Variants in RPS6KC1 observed in about 807,000 individuals in gnomAD.
The protein encoded by RPS6KC1 is inactive ribosomal protein S6 kinase delta-1.
A neutral mutation model predicts 103.8 loss-of-function variants in RPS6KC1; 54 were observed. The observed-to-expected ratio is 0.52, with a 90% CI of 0.42 to 0.65. The LOEUF is 0.65. Ranked by LOEUF, RPS6KC1 falls within the 30% of genes least tolerant of loss-of-function variation. The pLI, the probability that RPS6KC1 is intolerant of heterozygous loss-of-function variation, is 0.00. For synonymous variants in RPS6KC1, 439 were observed against 438.7 expected (o/e 1.00, Z -0.01); for missense variants, 1,151 against 1,253.8 (o/e 0.92, Z 1.24).
chr1:213,809,786 GTAAA>G, the RPS6KC1 span, among the ~76,000 whole-genome samples: 12 of 152,286 alleles, frequency 7.9e-5, no homozygotes, highest in East Asian at 2.3e-3. Context: ...CAGTAATGCT[GTAAA>G]TAGACAGCAT....
At chr1:213,347,381 G>A in the RPS6KC1 span, among the ~76,000 whole-genome samples, 5 of 152,122 alleles carry the variant, frequency 3.3e-5, no homozygotes, top group African/African-American at 1.2e-4. Flanking sequence ...TCAGAATTAG[G>A]AAAACATATA....
the RPS6KC1 span, among the ~76,000 whole-genome samples, chr1:213,432,572 A>G: frequency 6.6e-6 from 1 of 152,194 alleles, no homozygotes; most frequent in Admixed American, 6.5e-5. Context: ...TAGTAAACAT[A>G]ACCATCATCC....
At chr1:213,584,654 C>T in the RPS6KC1 span, among the ~76,000 whole-genome samples, 1 of 152,210 alleles carries the variant, frequency 6.6e-6, no homozygotes, top group East Asian at 1.9e-4. Context: ...AGAGAGGCTA[C>T]GTTTTGAGAA....
the RPS6KC1 span, among the ~76,000 whole-genome samples, chr1:213,747,203 G>A: frequency 1.3e-5 from 2 of 152,112 alleles, no homozygotes; most frequent in African/African-American, 2.4e-5. Context: ...TGAAGTAGGA[G>A]TTTGTAGAGT....
chr1:213,126,817 C>T (rs912677537), intron 5 of RPS6KC1, among the ~76,000 whole-genome samples: 10 of 152,122 alleles, frequency 6.6e-5, no homozygotes, highest in African/African-American at 2.4e-4. Context: ...GCTGCTTTTG[C>T]ACTACAATGG....
chr1:213,396,819 G>T, the RPS6KC1 span, among the ~76,000 whole-genome samples: 24 of 152,188 alleles, frequency 1.6e-4, no homozygotes, highest in Non-Finnish European at 2.9e-4. Context: ...ATCCCTCAGG[G>T]TCTCAGCTGA....
chr1:213,311,284 G>A, the RPS6KC1 span, among the ~76,000 whole-genome samples: 383 of 151,978 alleles, frequency 2.5e-3, 2 homozygotes, highest in Middle Eastern at 0.02. Context: ...GACTACAGGT[G>A]CCCGCCACCA....
intron 4 of RPS6KC1, among the ~76,000 whole-genome samples, chr1:213,108,270 C>T (rs138741663): frequency 1.8e-4 from 27 of 152,178 alleles, no homozygotes; most frequent in African/African-American, 5.5e-4. Flanking sequence ...ATTTTATATA[C>T]GGTGTGAAGG....
chr1:213,841,931 G>T, the RPS6KC1 span: 1 of 152,086 alleles, frequency 6.6e-6, no homozygotes, highest in Non-Finnish European at 1.5e-5. Context: ...TGCACTTCAG[G>T]TTAGCTCAAG....
At chr1:213,503,088 G>T in the RPS6KC1 span, among the ~76,000 whole-genome samples, 31 of 151,210 alleles carry the variant, frequency 2.1e-4, no homozygotes, top group Non-Finnish European at 3.8e-4. Context: ...TGTATTCTGT[G>T]TGTCTTTTCT....
At chr1:213,534,409 G>C in the RPS6KC1 span, among the ~76,000 whole-genome samples, 1 of 152,172 alleles carries the variant, frequency 6.6e-6, no homozygotes, top group Non-Finnish European at 1.5e-5. Context: ...ACACCCGCTT[G>C]GTGTTCATCC....
chr1:213,432,637 T>C, the RPS6KC1 span, among the ~76,000 whole-genome samples: 1 of 152,146 alleles, frequency 6.6e-6, no homozygotes, highest in Non-Finnish European at 1.5e-5. Flanking sequence ...CCTCCCAACC[T>C]TTCATAGCCC....
the RPS6KC1 span, among the ~76,000 whole-genome samples, chr1:213,357,239 T>G: frequency 1.3e-5 from 2 of 152,184 alleles, no homozygotes; most frequent in African/African-American, 4.8e-5. Context: ...GGTGGGCCCG[T>G]GTGTCTGCTT....
the RPS6KC1 span, among the ~76,000 whole-genome samples, chr1:213,473,452 G>A: frequency 2.6e-5 from 4 of 152,206 alleles, no homozygotes; most frequent in African/African-American, 9.7e-5. Flanking sequence ...CAATGTGAGG[G>A]GGGTGAGATG....
At chr1:213,741,856 A>T in the RPS6KC1 span, among the ~76,000 whole-genome samples, 3 of 152,306 alleles carry the variant, frequency 2.0e-5, no homozygotes, top group South Asian at 6.2e-4. Flanking sequence ...GAAGCTCGGT[A>T]TGCTCATTTG....
chr1:213,471,630 A>G, the RPS6KC1 span, among the ~76,000 whole-genome samples: 1 of 152,082 alleles, frequency 6.6e-6, no homozygotes, highest in African/African-American at 2.4e-5. Context: ...CATCTATCAG[A>G]TATAGTTGGG....
the RPS6KC1 span, among the ~76,000 whole-genome samples, chr1:213,433,785 T>TA: frequency 1.3e-5 from 2 of 152,224 alleles, no homozygotes; most frequent in African/African-American, 2.4e-5. Context: ...TTTGCCCATT[T>TA]AAAAAATTAT....
the RPS6KC1 span, among the ~76,000 whole-genome samples, chr1:213,852,605 T>C: frequency 6.6e-6 from 1 of 152,200 alleles, no homozygotes; most frequent in East Asian, 1.9e-4. Flanking sequence ...GTTATGGCCA[T>C]TTCCTCAATT....
At chr1:213,122,378 CTG>C (rs903735963) in intron 5 of RPS6KC1, among the ~76,000 whole-genome samples, 1 of 152,082 alleles carries the variant, frequency 6.6e-6, no homozygotes, top group Admixed American at 6.6e-5. Flanking sequence ...TGAAAAAAAT[CTG>C]TATCGAAATA....
Sources: gnomAD v4.1 joint callset for allele counts (sites outside exome capture counted in the v4.1 genomes callset) on GRCh38, gnomAD v4.1.1 for gene constraint, MANE v1.5 for transcripts, NCBI Gene and HGNC (gene_info 2026-07-23, HGNC 2026-07-21) for gene names.